SEMA5B: variants seen among roughly 807,000 people sequenced by gnomAD.
SEMA5B encodes semaphorin-5B.
SEMA5B carries 66 observed loss-of-function variants against 135.0 expected under a neutral mutation model. That is an observed-to-expected ratio of 0.49 (90% CI 0.40 to 0.60). SEMA5B has a LOEUF of 0.60. SEMA5B is among the 20% of genes least tolerant of loss of function. SEMA5B has a pLI of 0.00. For missense variants in SEMA5B, 1,501 were observed against 1,566.3 expected (o/e 0.96, Z 0.70); for synonymous variants, 690 against 639.5 (o/e 1.08, Z -1.19).
chr3:122,947,603 T>C (rs1939845424), intron 3 of SEMA5B, among the ~76,000 whole-genome samples: 1 of 152,208 alleles, frequency 6.6e-6, no homozygotes, highest in South Asian at 2.1e-4. Context: ...AGCCCAGAAC[T>C]GAGGACTGGC....
chr3:122,957,862 C>G (rs528469059), intron 2 of SEMA5B, among the ~76,000 whole-genome samples: 1 of 152,358 alleles, frequency 6.6e-6, no homozygotes, highest in East Asian at 1.9e-4. Context: ...CCAGCCTTAT[C>G]GTTGCATTCC....
intron 2 of SEMA5B, among the ~76,000 whole-genome samples, chr3:122,959,536 C>T (rs1940482921): frequency 6.6e-6 from 1 of 152,036 alleles, no homozygotes; most frequent in South Asian, 2.1e-4. Context: ...ACTGGTCTTG[C>T]TCCTACAAAC....
chr3:123,023,153 T>C (rs1942727758), intron 1 of SEMA5B, among the ~76,000 whole-genome samples: 1 of 152,208 alleles, frequency 6.6e-6, no homozygotes, highest in Non-Finnish European at 1.5e-5. Flanking sequence ...ATTCTGTCAA[T>C]TCAATGAAAT....
At chr3:122,949,753 C>G (rs1939962147) in intron 2 of SEMA5B, among the ~76,000 whole-genome samples, 1 of 152,192 alleles carries the variant, frequency 6.6e-6, no homozygotes. Flanking sequence ...GTTGGATCTG[C>G]TGATGCCACC....
At chr3:122,943,712 G>A (rs576055011) in intron 3 of SEMA5B, among the ~76,000 whole-genome samples, 177 bp from the exon 4 acceptor site, 2 of 152,202 alleles carry the variant, frequency 1.3e-5, no homozygotes, top group African/African-American at 4.8e-5. Context: ...AGTGGGTGTT[G>A]TAGTCATTCT....
At chr3:122,929,378 C>G (rs1938831897) in intron 5 of SEMA5B, among the ~76,000 whole-genome samples, 1 of 152,222 alleles carries the variant, frequency 6.6e-6, no homozygotes, top group Non-Finnish European at 1.5e-5. Flanking sequence ...AGCCAGGGAG[C>G]TGGAAGTGGC....
rs565388801 is a variant in SEMA5B, at chr3:122,958,759, A to G, written c.124+2381T>C. On this transcript the variant is annotated intron_variant, in intron 2 of 22. Transcript: ENST00000357599. ...CTAGCACTTTTTAGCTCTAAAATCT[A>G]TGGGGGGAGGGTATGGGGAGCCTCT... is the stretch of plus-strand genomic sequence containing the variant. 2.0e-5 allele frequency among the ~76,000 whole-genome samples: 3 copies of G among 152,184 alleles called. No homozygotes were observed. The South Asian group carries it at 6.2e-4, about 32-fold the overall frequency.
At chr3:122,927,118 ATAGT>A (rs1187106648) in intron 8 of SEMA5B, among the ~76,000 whole-genome samples, 5 of 152,244 alleles carry the variant, frequency 3.3e-5, no homozygotes, top group African/African-American at 9.6e-5. Context: ...CGCCAACCTA[ATAGT>A]TAGTGAGGAA....
At chr3:122,920,141 T>C (rs1938275677) in intron 12 of SEMA5B, among the ~76,000 whole-genome samples, 1 of 152,238 alleles carries the variant, frequency 6.6e-6, no homozygotes, top group African/African-American at 2.4e-5. Context: ...TCCACTGCTC[T>C]AGGACCACTC....
intron 1 of SEMA5B, chr3:122,975,253 C>A (rs909779918): frequency 6.6e-6 from 1 of 152,466 alleles, no homozygotes; most frequent in Admixed American, 6.5e-5. Context: ...GCCAGGAGAG[C>A]TGCCGCTGCT....
chr3:123,000,321 C>T (rs1266751346), intron 1 of SEMA5B, among the ~76,000 whole-genome samples: 1 of 152,132 alleles, frequency 6.6e-6, no homozygotes, highest in Non-Finnish European at 1.5e-5. Context: ...GAGCAGGTCC[C>T]AGAGGTGGTG....
At chr3:122,990,395 C>T (rs73856792) in intron 1 of SEMA5B, among the ~76,000 whole-genome samples, 497 of 152,294 alleles carry the variant, frequency 3.3e-3, no homozygotes, top group African/African-American at 0.011. Flanking sequence ...GACCCAGACT[C>T]ATGGGGCCAA....
chr3:122,927,807 T>G lies in SEMA5B; in HGVS notation c.833A>C (p.Asn278Thr). The part of the protein sequence containing the change: ...SGPPLRTAQY[N>T]SKWLNEPNFV... ...CTCCTTACCATTAAGCCACTTGGAG[T>G]TATATTGGGCAGTGCGAAGCGGTGG... Residue 278 changes from asparagine to threonine, a missense_variant, in exon 8 of 23, where the codon AAC (asparagine) becomes ACC (threonine). By Grantham distance (65) the Asn-to-Thr change is moderately conservative. Coordinates refer to ENST00000357599, the MANE Select transcript of SEMA5B (RefSeq NM_001031702.4). The G allele has an allele frequency of 7.0e-7, 1 of 1,438,690 alleles. No individual in the cohort carries two copies. Among genetic ancestry groups the G allele is most frequent in the Non-Finnish European group, 9.2e-7 (1 of 1,086,374 alleles). 89.1% of individuals were successfully genotyped at this position (1,438,690 alleles called of 1,614,324 possible).
At chr3:122,989,781 T>C (rs781699276) in intron 1 of SEMA5B, among the ~76,000 whole-genome samples, 1 of 152,208 alleles carries the variant, frequency 6.6e-6, no homozygotes, top group Non-Finnish European at 1.5e-5. Flanking sequence ...CCAATGTCCG[T>C]TGAGCTTTTC....
At chr3:122,913,137 C>G in intron 17 of SEMA5B, 62 bp downstream of exon 17, 1 of 1,444,844 alleles carries the variant, frequency 6.9e-7, no homozygotes, top group Non-Finnish European at 9.1e-7. Flanking sequence ...GGGGCTCCCG[C>G]CCCCGCCCTC....
intron 1 of SEMA5B, among the ~76,000 whole-genome samples, chr3:122,987,679 G>A (rs146797532): frequency 7.9e-5 from 12 of 152,264 alleles, no homozygotes; most frequent in South Asian, 6.2e-4. Context: ...ATGGACGGAC[G>A]CCCTGTATTG....
At chr3:122,935,682 C>CTTTTTTTTTT (rs1402707939) in intron 5 of SEMA5B, among the ~76,000 whole-genome samples, 24 of 70,742 alleles carry the variant, frequency 3.4e-4, no homozygotes, top group African/African-American at 1.3e-3. Flanking sequence ...CTTTTTCTTT[C>CTTTTTTTTTT]TTTCTTTTTT....
intron 5 of SEMA5B, among the ~76,000 whole-genome samples, chr3:122,938,429 G>GCAAC (rs1939400716): frequency 6.6e-6 from 1 of 152,114 alleles, no homozygotes; most frequent in Non-Finnish European, 1.5e-5. Flanking sequence ...CTCCCCTCTA[G>GCAAC]CAACCAGCCA....
chr3:122,937,748 G>A (rs758945302), intron 5 of SEMA5B, among the ~76,000 whole-genome samples: 5 of 152,168 alleles, frequency 3.3e-5, no homozygotes, highest in South Asian at 2.1e-4. Context: ...GTCATCAAGC[G>A]CAGTCTTAAC....
Sources: gnomAD v4.1 joint callset for allele counts (sites outside exome capture counted in the v4.1 genomes callset) on GRCh38, gnomAD v4.1.1 for gene constraint, MANE v1.5 for transcripts, NCBI Gene and HGNC (gene_info 2026-07-23, HGNC 2026-07-21) for gene names.